PHACTR1: variants seen among roughly 807,000 people sequenced by gnomAD.
PHACTR1 encodes the protein phosphatase and actin regulator 1, also known as RPEL repeat containing 1.
Under a neutral mutation model 69.2 loss-of-function variants are expected in PHACTR1, and 16 were observed. The ratio of observed to expected loss-of-function variants is 0.23; its 90% CI spans 0.16 to 0.35. PHACTR1 has a LOEUF of 0.35. Among genes scored for constraint, PHACTR1 ranks in the 10% least tolerant of loss-of-function variants. The probability of loss-of-function intolerance (pLI) is 1.00; values close to 1 mark genes in which losing one functional copy is unlikely to be tolerated. For missense variants in PHACTR1, 510 were observed against 734.7 expected (o/e 0.69, Z 3.54); for synonymous variants, 312 against 284.5 (o/e 1.10, Z -0.97).
intron 4 of PHACTR1, among the ~76,000 whole-genome samples, chr6:12,905,983 G>A (rs1785685171): frequency 1.3e-5 from 2 of 152,182 alleles, no homozygotes. Context: ...AAGTGGAATG[G>A]TTTTGCAAGT....
intron 4 of PHACTR1, among the ~76,000 whole-genome samples, chr6:12,904,401 G>A (rs779339283): frequency 6.6e-6 from 1 of 152,030 alleles, no homozygotes; most frequent in South Asian, 2.1e-4. Context: ...AGGCGTGGTG[G>A]CAGGTGCCTG....
chr6:12,809,790 C>T (rs974809151), intron 4 of PHACTR1, among the ~76,000 whole-genome samples: 1 of 152,198 alleles, frequency 6.6e-6, no homozygotes, highest in African/African-American at 2.4e-5. Context: ...TGGATTGGAA[C>T]TTTCCCTCCA....
intron 4 of PHACTR1, among the ~76,000 whole-genome samples, chr6:12,817,969 G>A (rs533934198): frequency 1.1e-4 from 16 of 151,926 alleles, no homozygotes; most frequent in Admixed American, 2.0e-4. Flanking sequence ...GACTACAGGC[G>A]CCTGCCACCA....
At chr6:13,145,664 C>T (rs1321362597) in intron 5 of PHACTR1, among the ~76,000 whole-genome samples, 1 of 152,156 alleles carries the variant, frequency 6.6e-6, no homozygotes, top group Non-Finnish European at 1.5e-5. Context: ...CAAGAAGAGA[C>T]ACCAGAGAGC....
Position 12,816,374 on chromosome 6 carries a change from A to T in PHACTR1, c.250+66584A>T, listed in dbSNP as rs1430405856. On this transcript the variant is annotated intron_variant, in intron 4 of 14. Coordinates refer to ENST00000332995, the MANE Select transcript of PHACTR1 (RefSeq NM_030948.6). ...TAAGGTAAATTCAGTTATTCCCCTT[A>T]GTCTTTTAGTCTTATGTAATTAAAC... Among the ~76,000 whole-genome samples, 4 of 152,144 alleles carry T rather than the reference A, an allele frequency of 2.6e-5. No individual in the cohort carries two copies. In the East Asian group the frequency reaches 7.7e-4, roughly 29 times the overall value.
At chr6:12,976,457 C>T (rs142646010) in intron 4 of PHACTR1, among the ~76,000 whole-genome samples, 478 of 152,258 alleles carry the variant, frequency 3.1e-3, no homozygotes, top group African/African-American at 0.011. Flanking sequence ...GATTTGGCCA[C>T]CAGGACTCCA....
intron 4 of PHACTR1, among the ~76,000 whole-genome samples, chr6:12,895,772 G>A (rs1413023355): frequency 6.6e-6 from 1 of 152,216 alleles, no homozygotes; most frequent in Non-Finnish European, 1.5e-5. Flanking sequence ...ATTGCCTGCG[G>A]GAATTTCAGA....
chr6:13,119,811 C>T (rs778788956), intron 5 of PHACTR1, among the ~76,000 whole-genome samples: 3 of 152,194 alleles, frequency 2.0e-5, no homozygotes, highest in African/African-American at 4.8e-5. Context: ...GAGAAGCCGA[C>T]GGGTGTTCTT....
At position 13,283,963 on chromosome 6, in the gene PHACTR1, G is replaced by A. The variant is rs1464862878; in HGVS notation, c.1650+401G>A. The A allele has an allele frequency of 5.0e-6, 1 of 201,432 alleles. No homozygotes were observed. The highest frequency in any genetic ancestry group is 2.3e-5 in the African/African-American group (1 of 43,472). The allele number at this position is 201,432 out of a possible 1,614,324, so 12.5% of individuals were successfully genotyped here. Reference sequence around the variant, plus strand: ...AACCAAAAGAGAAGACAAAGTAGACGCATAACCCCAGGAGGGAAATAGGGC... The same window carrying A: ...AACCAAAAGAGAAGACAAAGTAGACACATAACCCCAGGAGGGAAATAGGGC... On this transcript the variant is annotated intron_variant, in intron 13 of 14. Transcript: ENST00000332995. This position sits in a 1 kb window ranked among gnomAD's most constrained non-coding sequence, Gnocchi z 4.7.
At chr6:13,020,354 A>G (rs957881673) in intron 4 of PHACTR1, among the ~76,000 whole-genome samples, 2 of 152,218 alleles carry the variant, frequency 1.3e-5, no homozygotes, top group Non-Finnish European at 2.9e-5. Context: ...TTGTTTATTC[A>G]TGTATCAAGC....
chr6:12,843,103 G>A (rs1049723179), intron 4 of PHACTR1, among the ~76,000 whole-genome samples: 2 of 152,116 alleles, frequency 1.3e-5, no homozygotes, highest in Admixed American at 6.6e-5. Flanking sequence ...GTGGGAACTA[G>A]GACTCTTTTC....
intron 4 of PHACTR1, among the ~76,000 whole-genome samples, chr6:12,771,481 G>C (rs984696027): frequency 6.6e-6 from 1 of 152,162 alleles, no homozygotes; most frequent in Non-Finnish European, 1.5e-5. Flanking sequence ...GGGAACTCAG[G>C]AGAAATATTC....
chr6:12,920,616 T>C (rs747459535), intron 4 of PHACTR1, among the ~76,000 whole-genome samples: 7 of 152,264 alleles, frequency 4.6e-5, no homozygotes, highest in Non-Finnish European at 1.0e-4. Flanking sequence ...GAATGCAATA[T>C]TGAAATAAAT....
At chr6:13,213,033 C>G (rs932041081) in intron 8 of PHACTR1, among the ~76,000 whole-genome samples, 1 of 152,166 alleles carries the variant, frequency 6.6e-6, no homozygotes, top group African/African-American at 2.4e-5. Flanking sequence ...AGGGCAGGAA[C>G]TGTTTTGTTC....
intron 6 of PHACTR1, among the ~76,000 whole-genome samples, chr6:13,181,944 T>C (rs1762229782): frequency 6.6e-6 from 1 of 152,130 alleles, no homozygotes; most frequent in Non-Finnish European, 1.5e-5. Flanking sequence ...TAAAAATACA[T>C]AGAAAATGGC....
intron 4 of PHACTR1, among the ~76,000 whole-genome samples, chr6:12,978,180 A>G (rs1795112332): frequency 6.6e-6 from 1 of 151,598 alleles, no homozygotes; most frequent in African/African-American, 2.4e-5. Context: ...AGTACCATCC[A>G]CTCTACTCCT....
At chr6:13,227,648 C>G (rs989532910) in intron 8 of PHACTR1, among the ~76,000 whole-genome samples, 168 bp from the exon 9 acceptor site, 1 of 152,192 alleles carries the variant, frequency 6.6e-6, no homozygotes, top group Non-Finnish European at 1.5e-5. Flanking sequence ...CATCAGGACA[C>G]CGTGCCGTCT....
chr6:13,251,774 TGAA>T (rs1562070309), intron 10 of PHACTR1, among the ~76,000 whole-genome samples: 48 of 152,008 alleles, frequency 3.2e-4, no homozygotes, highest in African/African-American at 1.1e-3. Flanking sequence ...GAAGAATTAG[TGAA>T]AAATCATTTA....
intron 4 of PHACTR1, among the ~76,000 whole-genome samples, chr6:12,774,304 C>A (rs1164917084): frequency 6.6e-6 from 1 of 152,116 alleles, no homozygotes; most frequent in African/African-American, 2.4e-5. Flanking sequence ...CTCCTTGAAA[C>A]CTAGAGGCGT....
Sources: gnomAD v4.1 joint callset for allele counts (sites outside exome capture counted in the v4.1 genomes callset) on GRCh38, gnomAD v4.1.1 for gene constraint, Gnocchi (gnomAD v3.1) non-coding constraint, MANE v1.5 for transcripts, NCBI Gene and HGNC (gene_info 2026-07-23, HGNC 2026-07-21) for gene names.